The following BUB1 variants were observed in gnomAD, a reference collection of about 807,000 sequenced individuals.
The protein encoded by BUB1 is mitotic checkpoint serine/threonine-protein kinase BUB1.
A neutral mutation model predicts 135.2 loss-of-function variants in BUB1; 84 were observed. The ratio of observed to expected loss-of-function variants is 0.62; its 90% CI spans 0.52 to 0.74. The LOEUF (loss-of-function observed/expected upper bound fraction) is 0.74. Among genes scored for constraint, BUB1 ranks in the 30% least tolerant of loss-of-function variants. The probability of loss-of-function intolerance (pLI) is 0.00; values close to 1 mark genes in which losing one functional copy is unlikely to be tolerated. For missense variants in BUB1, 1,162 were observed against 1,288.3 expected (o/e 0.90, Z 1.50); for synonymous variants, 403 against 434.4 (o/e 0.93, Z 0.90).
intron 16 of BUB1, 145 bp from the exon 17 acceptor site, chr2:110,653,668 T>A: frequency 1.4e-6 from 1 of 701,960 alleles, no homozygotes; most frequent in South Asian, 2.0e-5. Context: ...TTGTAAAATG[T>A]ATAATAAGAT....
rs1261021215 is a variant in BUB1 at position 110,661,645 on chromosome 2, G to T, written c.1154C>A (p.Pro385His). The T allele has an allele frequency of 6.2e-7, 1 of 1,614,222 alleles. No homozygotes were observed. The highest frequency in any genetic ancestry group is 1.3e-5 in the African/African-American group (1 of 75,058). Residue 385 changes from proline to histidine, a missense_variant, in exon 10 of 25, where the codon CCT (proline) becomes CAT (histidine). Coordinates refer to ENST00000302759, the MANE Select transcript of BUB1 (RefSeq NM_004336.5). ...TACTGTCTGGGCTTTCAAAGGAACAGGAGGAGCAATGCTCTGGCTGGTGGC... is the reference window on the plus strand; with the variant it reads ...TACTGTCTGGGCTTTCAAAGGAACATGAGGAGCAATGCTCTGGCTGGTGGC... ...SPATSQSIAP[P>H]VPLKAQTVTD...
intron 6 of BUB1, 76 bp from the exon 7 acceptor site, chr2:110,667,925 T>C (rs1690307692): frequency 7.0e-7 from 1 of 1,423,294 alleles, no homozygotes; most frequent in African/African-American, 1.4e-5. Flanking sequence ...CACAAAACAA[T>C]ATGAAAATGC....
In BUB1 at chr2:110,648,703, T is replaced by C. The variant is rs1363085314; in HGVS notation, c.2347+531A>G. ...TTTTCTGTAAGCTTAAAACTTCTCT[T>C]AAAAATAAAGTCTATTCATTAAAAA... On this transcript the variant is annotated intron_variant, in intron 19 of 24. Coordinates refer to ENST00000302759, the MANE Select transcript of BUB1 (RefSeq NM_004336.5). The surrounding 1 kb of genome is among the most constrained non-coding windows in gnomAD (Gnocchi z 4.2). The C allele has an allele frequency of 1.3e-5, 2 of 152,190 alleles. No homozygotes were observed. The highest frequency in any genetic ancestry group is 1.3e-4 in the Admixed American group (2 of 15,278). The allele number at this position is 152,190 out of a possible 1,614,324, so 9.4% of individuals were successfully genotyped here.
intron 4 of BUB1, among the ~76,000 whole-genome samples, chr2:110,671,083 A>C (rs1690406687): frequency 6.6e-6 from 1 of 152,232 alleles, no homozygotes; most frequent in South Asian, 2.1e-4. Flanking sequence ...TGCAATTCCC[A>C]TGCCTGACAT....
intron 10 of BUB1, 171 bp downstream of exon 10, chr2:110,661,411 A>G: frequency 1.3e-6 from 1 of 745,150 alleles, no homozygotes; most frequent in South Asian, 2.3e-5. Context: ...GTAAGCCTAA[A>G]GGATTGGGAG....
intron 10 of BUB1, 129 bp downstream of exon 10, chr2:110,661,453 T>A: frequency 1.7e-6 from 2 of 1,199,950 alleles, no homozygotes; most frequent in Non-Finnish European, 2.3e-6. Context: ...TTCAACAACA[T>A]ACCTATCTAA....
intron 10 of BUB1, among the ~76,000 whole-genome samples, chr2:110,660,357 C>A (rs958128102): frequency 6.6e-6 from 1 of 150,530 alleles, no homozygotes; most frequent in African/African-American, 2.4e-5. Context: ...GCCTGGGCAA[C>A]AAGAGCGAGA....
At position 110,649,353 on chromosome 2, in the gene BUB1, T is replaced by G; in HGVS notation, c.2228A>C (p.Asp743Ala). Residue 743 changes from aspartate to alanine, a missense_variant, in exon 19 of 25, where the codon GAT becomes GCT. By Grantham distance (126) the Asp-to-Ala change is moderately radical. Coordinates refer to ENST00000302759, the MANE Select transcript of BUB1 (RefSeq NM_004336.5). The part of the protein sequence containing the change: ...APNFIVGNPW[D>A]DKLIFKLLSG... ...TAAAAGTTTGAAAATCAGCTTATCA[T>G]CCCATGGGTTCCCAACAATGAAGTC... 1 of 1,585,792 alleles carries G rather than the reference T, an allele frequency of 6.3e-7. No individual in the cohort carries two copies.
chr2:110,676,829 G>C (rs545432069), intron 1 of BUB1, among the ~76,000 whole-genome samples: 89 of 151,880 alleles, frequency 5.9e-4, no homozygotes, highest in Non-Finnish European at 1.2e-3. Flanking sequence ...GGTTACATGT[G>C]ACAGAGTGGG....
At position 110,643,105 on chromosome 2, in the gene BUB1, C is replaced by G. The variant is rs539908315; in HGVS notation, c.2348-871G>C. Among the ~76,000 whole-genome samples the G allele has an allele frequency of 3.9e-4, 60 of 152,266 alleles. 1 individual carries two copies. Among genetic ancestry groups the G allele is most frequent in the East Asian group, 3.1e-3 (16 of 5,174 alleles). Reference sequence around the variant, plus strand: ...CAGCATATGAGGAGCTTGGAGTCATCACTCCACCCTCACAGTAAGCCAAAT... The same window carrying G: ...CAGCATATGAGGAGCTTGGAGTCATGACTCCACCCTCACAGTAAGCCAAAT... On this transcript the variant is annotated intron_variant, in intron 19 of 24. Coordinates refer to ENST00000302759, the MANE Select transcript of BUB1 (RefSeq NM_004336.5).
At chr2:110,658,199 C>T (rs1689983407) in intron 13 of BUB1, among the ~76,000 whole-genome samples, 1 of 151,548 alleles carries the variant, frequency 6.6e-6, no homozygotes, top group African/African-American at 2.4e-5. Flanking sequence ...TTCTTTAGCA[C>T]TATTCTTTTT....
chr2:110,656,488 T>C (rs1373110285), intron 15 of BUB1, among the ~76,000 whole-genome samples: 2 of 152,224 alleles, frequency 1.3e-5, no homozygotes. Flanking sequence ...AGAATGTCCC[T>C]ACACAGTTTG....
At chr2:110,649,036 G>A in intron 19 of BUB1, 198 bp downstream of exon 19, 1 of 433,376 alleles carries the variant, frequency 2.3e-6, no homozygotes, top group Non-Finnish European at 4.0e-6. Flanking sequence ...TGAGTTATAG[G>A]AGTTATAGTC....
chr2:110,663,850 A>AC (rs1281519542), intron 9 of BUB1, among the ~76,000 whole-genome samples: 2 of 152,030 alleles, frequency 1.3e-5, no homozygotes, highest in Admixed American at 6.5e-5. Flanking sequence ...ACACGGTGAA[A>AC]CCCTGTCTCT....
chr2:110,644,718 C>A (rs1689599497), intron 19 of BUB1, among the ~76,000 whole-genome samples: 1 of 152,102 alleles, frequency 6.6e-6, no homozygotes. Flanking sequence ...CACAGGACTT[C>A]TCAGAAACCA....
At chr2:110,671,568 G>A (rs545398525) in intron 4 of BUB1, among the ~76,000 whole-genome samples, 7 of 152,158 alleles carry the variant, frequency 4.6e-5, no homozygotes, top group South Asian at 2.1e-4. Flanking sequence ...CTAATGAGAG[G>A]GGAAGAGTAA....
intron 24 of BUB1, among the ~76,000 whole-genome samples, chr2:110,639,051 T>C (rs1279371730): frequency 6.6e-6 from 1 of 152,106 alleles, no homozygotes; most frequent in African/African-American, 2.4e-5. Context: ...TGAGTGTACT[T>C]TTCTGCATGT....
chr2:110,672,901 C>T (rs776237687), intron 3 of BUB1, 44 bp from the exon 4 acceptor site: 7 of 1,504,944 alleles, frequency 4.7e-6, no homozygotes, highest in Non-Finnish European at 6.2e-6. Context: ...AATGGAACTG[C>T]TAGTCTATGT....
At chr2:110,673,000 G>A (rs1323581976) in intron 3 of BUB1, 143 bp from the exon 4 acceptor site, 13 of 799,314 alleles carry the variant, frequency 1.6e-5, no homozygotes, top group African/African-American at 3.5e-5. Flanking sequence ...AGGTTTAGAG[G>A]GTTGGACTTT....
Sources: allele counts gnomAD v4.1 joint callset (sites outside exome capture counted in the v4.1 genomes callset), GRCh38; gene constraint gnomAD v4.1.1; non-coding constraint Gnocchi (gnomAD v3.1); transcripts MANE v1.5; gene names NCBI Gene and HGNC (gene_info 2026-07-23, HGNC 2026-07-21).